Variants in ZSCAN18 observed in about 807,000 individuals in gnomAD.
ZSCAN18 encodes zinc finger and SCAN domain containing 18.
ZSCAN18 carries 16 observed loss-of-function variants against 31.1 expected under a neutral mutation model. The ratio of observed to expected loss-of-function variants is 0.51; its 90% CI spans 0.35 to 0.78. ZSCAN18 has a LOEUF of 0.78. Among genes scored for constraint, ZSCAN18 ranks in the 30% least tolerant of loss-of-function variants. ZSCAN18 has a pLI of 0.01. For synonymous variants in ZSCAN18, 375 were observed against 320.7 expected (o/e 1.17, Z -1.81); for missense variants, 731 against 697.4 (o/e 1.05, Z -0.54).
intron 1 of ZSCAN18, among the ~76,000 whole-genome samples, chr19:58,117,164 G>C (rs953223197): frequency 1.3e-5 from 2 of 152,198 alleles, no homozygotes; most frequent in Non-Finnish European, 2.9e-5. Flanking sequence ...GGACAGAGAC[G>C]ATGTGGGGAT....
rs533832996 is a variant in ZSCAN18 at position 58,088,432 on chromosome 19, G to C, written c.553+256C>G. The C allele has an allele frequency of 7.9e-5, 35 of 443,440 alleles. 1 individual carries two copies. The South Asian group carries it at 1.2e-3, about 15-fold the overall frequency. 27.5% of individuals were successfully genotyped at this position (443,440 alleles called of 1,614,324 possible). ...TTCAGAGGGTTCATGGTCGGGGGTT[G>C]GGAGATTCTTTTCTTTATGTATTGA... On this transcript the variant is annotated intron_variant, in intron 3 of 6. Transcript: ENST00000601144.
At chr19:58,117,613 C>G (rs2146034149) in intron 1 of ZSCAN18, among the ~76,000 whole-genome samples, 1 of 151,626 alleles carries the variant, frequency 6.6e-6, no homozygotes, top group South Asian at 2.1e-4. Flanking sequence ...TGTTCAAGCC[C>G]AAATCTTGTG....
At position 58,084,480 on chromosome 19, in the gene ZSCAN18, C is replaced by G. The variant is rs1453770978; in HGVS notation, c.*205G>C. ...GCTCCCCTCGGATGCGAGCGCTGGC[C>G]CAGGGTGTGTTTACAGAGGTGAGGG... On this transcript the variant is annotated 3_prime_UTR_variant, in exon 7 of 7. Transcript: ENST00000601144. This position sits in a 1 kb window ranked among gnomAD's most constrained non-coding sequence, Gnocchi z 4.5. 4.0e-6 allele frequency: 2 copies of G among 499,534 alleles called. No individual in the cohort carries two copies. Among genetic ancestry groups the G allele is most frequent in the African/African-American group, 4.0e-5 (2 of 49,548 alleles). 30.9% of individuals were successfully genotyped at this position (499,534 alleles called of 1,614,324 possible). A position where few individuals can be genotyped will look rare whatever the true frequency, so the allele number is the denominator to read the frequency against.
Position 58,085,751 on chromosome 19 carries a change from G to T in ZSCAN18, c.839-372C>A, listed in dbSNP as rs569772526. ...AGAGCGCACCCTCCTGGAGGGAGGG[G>T]CCCGGCTGCCAGCGAAGAGAGTGGG... is the stretch of plus-strand genomic sequence containing the variant. On this transcript the variant is annotated intron_variant, in intron 6 of 6. Transcript: ENST00000601144. 7.7e-5 allele frequency: 25 copies of T among 324,548 alleles called. 1 individual carries two copies. The South Asian group carries it at 1.5e-3, about 20-fold the overall frequency. 20.1% of individuals were successfully genotyped at this position (324,548 alleles called of 1,614,324 possible). A position where few individuals can be genotyped will look rare whatever the true frequency, so the allele number is the denominator to read the frequency against.
rs925091354 is a variant in ZSCAN18, at chr19:58,113,316, C to CA, written c.130+4950dup. Among the ~76,000 whole-genome samples, 1,088 of 138,392 alleles carry CA rather than the reference C, an allele frequency of 7.9e-3. 6 individuals are homozygous for CA. The highest frequency in any genetic ancestry group is 0.01 in the Non-Finnish European group (645 of 63,548). 90.8% of individuals were successfully genotyped at this position (138,392 alleles called of 152,430 possible). A position where few individuals can be genotyped will look rare whatever the true frequency, so the allele number is the denominator to read the frequency against. ...GGGTGACAAAGCAAGACTCTGTCTC[C>CA]AAAAAAAAAAAGGCGGGGCAGAAGA... On this transcript the variant is annotated intron_variant, in intron 1 of 1. Coordinates refer to the ZSCAN18 transcript ENST00000595721.
intron 1 of ZSCAN18, among the ~76,000 whole-genome samples, chr19:58,091,713 G>A (rs898341036): frequency 6.6e-6 from 1 of 152,154 alleles, no homozygotes; most frequent in Non-Finnish European, 1.5e-5. Context: ...TCACTAAACA[G>A]AACCCAGCGG....
At position 58,118,229 on chromosome 19, in the gene ZSCAN18, C is replaced by T. The variant is rs904740792; in HGVS notation, c.130+38G>A. The T allele has an allele frequency of 9.1e-6, 10 of 1,095,246 alleles. No individual in the cohort carries two copies. The African/African-American group carries it at 1.7e-4, about 18-fold the overall frequency. 67.8% of individuals were successfully genotyped at this position (1,095,246 alleles called of 1,614,324 possible). On this transcript the variant is annotated intron_variant, in intron 1 of 1. Coordinates refer to the ZSCAN18 transcript ENST00000595721. Reference sequence around the variant, plus strand: ...GACAGAAAGAGCGACCACGCAGCCACCGCCCAGCCCCAGCCGCTCTGGAGT... The same window carrying T: ...GACAGAAAGAGCGACCACGCAGCCATCGCCCAGCCCCAGCCGCTCTGGAGT...
intron 1 of ZSCAN18, among the ~76,000 whole-genome samples, chr19:58,114,847 G>A (rs1482447608): frequency 6.6e-6 from 1 of 152,140 alleles, no homozygotes; most frequent in Non-Finnish European, 1.5e-5. Flanking sequence ...AAATATAAAT[G>A]CCTCCTGGAG....
intron 1 of ZSCAN18, among the ~76,000 whole-genome samples, chr19:58,096,362 G>T (rs2074520554): frequency 6.6e-6 from 1 of 152,200 alleles, no homozygotes; most frequent in Non-Finnish European, 1.5e-5. Flanking sequence ...ATTTGCCTCA[G>T]ATGGGATTTT....
intron 1 of ZSCAN18, among the ~76,000 whole-genome samples, chr19:58,106,422 G>GTTTTTTTTTTGAAATGGAGCCTC (rs1470391188): frequency 1.9e-3 from 21 of 11,010 alleles, no homozygotes; most frequent in South Asian, 8.2e-3. Flanking sequence ...AAGACATCTG[G>GTTTTTTTTTTGAAATGGAGCCTC]CTGGGCGCGG....
intron 3 of ZSCAN18, 100 bp from the exon 4 acceptor site, chr19:58,087,504 G>T: frequency 9.7e-7 from 1 of 1,032,302 alleles, no homozygotes. Context: ...AGGCCCCAGT[G>T]TGCTTCTGTG....
intron 5 of ZSCAN18, 115 bp from the exon 6 acceptor site, chr19:58,086,381 TGGG>T (rs770223831): frequency 1.1e-5 from 10 of 884,794 alleles, no homozygotes; most frequent in Non-Finnish European, 1.6e-5. Flanking sequence ...TTCTCTGTAC[TGGG>T]ACCCCCACCA....
At chr19:58,087,218 T>C in intron 4 of ZSCAN18, 98 bp downstream of exon 4, 2 of 1,311,790 alleles carry the variant, frequency 1.5e-6, no homozygotes, top group Middle Eastern at 3.8e-4. Flanking sequence ...GCTGTGGACG[T>C]TTGGGGCCAC....
At chr19:58,091,380 A>G (rs2074407077) in intron 1 of ZSCAN18, among the ~76,000 whole-genome samples, 1 of 152,072 alleles carries the variant, frequency 6.6e-6, no homozygotes, top group South Asian at 2.1e-4. Context: ...AAATAAAATT[A>G]TTTAGAAAAA....
chr19:58,111,826 G>T (rs1310346429), intron 1 of ZSCAN18, among the ~76,000 whole-genome samples: 1 of 152,116 alleles, frequency 6.6e-6, no homozygotes, highest in East Asian at 1.9e-4. Flanking sequence ...CTTAAATGTT[G>T]AATTCATCAG....
At chr19:58,112,544 G>A (rs908218947) in intron 1 of ZSCAN18, among the ~76,000 whole-genome samples, 7 of 152,006 alleles carry the variant, frequency 4.6e-5, no homozygotes, top group Non-Finnish European at 8.8e-5. Flanking sequence ...CCAGCTACTC[G>A]GGAAGCTGAG....
intron 1 of ZSCAN18, among the ~76,000 whole-genome samples, chr19:58,104,965 G>T (rs1472802455): frequency 6.6e-6 from 1 of 152,206 alleles, no homozygotes; most frequent in Non-Finnish European, 1.5e-5. Flanking sequence ...TTCACAACTA[G>T]AAAGAAGTCA....
intron 1 of ZSCAN18, chr19:58,107,831 GAC>G: frequency 3.0e-6 from 3 of 1,010,248 alleles, no homozygotes; most frequent in Non-Finnish European, 3.6e-6. Flanking sequence ...TCCCACACTA[GAC>G]ACACTGGCAC....
rs186628068 is a variant in ZSCAN18 at position 58,111,085 on chromosome 19, G to A, written c.130+7182C>T. On this transcript the variant is annotated intron_variant, in intron 1 of 1. Transcript: ENST00000595721. The stretch of plus-strand genomic sequence containing the variant: ...CGGGAGGCTGAGGCAGGAGAATGGC[G>A]TGAACCCGGGAGGCGGAGCTTGCAG... Among the ~76,000 whole-genome samples the A allele has an allele frequency of 8.4e-3, 1,274 of 152,046 alleles. 20 individuals carry two copies. Among genetic ancestry groups the A allele is most frequent in the African/African-American group, 0.029 (1,209 of 41,478 alleles).
Sources: gnomAD v4.1 joint callset for allele counts (sites outside exome capture counted in the v4.1 genomes callset) on GRCh38, gnomAD v4.1.1 for gene constraint, Gnocchi (gnomAD v3.1) non-coding constraint, MANE v1.5 for transcripts, NCBI Gene and HGNC (gene_info 2026-07-23, HGNC 2026-07-21) for gene names.